Variants in PALM observed in about 807,000 individuals in gnomAD.
PALM encodes the protein paralemmin.
Under a neutral mutation model 30.7 loss-of-function variants are expected in PALM, and 18 were observed. That is an observed-to-expected ratio of 0.59 (90% CI 0.41 to 0.87). The LOEUF (loss-of-function observed/expected upper bound fraction) is 0.87. PALM is among the 40% of genes least tolerant of loss of function. PALM has a pLI of 0.00. For missense variants in PALM, 529 were observed against 555.4 expected, an observed-to-expected ratio of 0.95 and a Z score of 0.48; for synonymous variants, 286 against 242.8, an observed-to-expected ratio of 1.18 and a Z score of -1.66.
chr19:744,471 G>A (rs1326337094), intron 8 of PALM, among the ~76,000 whole-genome samples: 1 of 151,802 alleles, frequency 6.6e-6, no homozygotes, highest in Non-Finnish European at 1.5e-5. Context: ...GACCTCAGAG[G>A]AAAATGCATA....
intron 7 of PALM, among the ~76,000 whole-genome samples, chr19:739,926 G>A (rs1327591375): frequency 6.6e-6 from 1 of 152,188 alleles, no homozygotes; most frequent in Non-Finnish European, 1.5e-5. Context: ...TCACACCACT[G>A]TGCTCCAGCC....
chr19:730,151 C>A (rs1324539888), intron 4 of PALM, among the ~76,000 whole-genome samples: 1 of 152,170 alleles, frequency 6.6e-6, no homozygotes, highest in Non-Finnish European at 1.5e-5. Flanking sequence ...CTGCAGGAAG[C>A]CCTCCAGGCT....
At chr19:731,266 A>G (rs1273376807) in intron 5 of PALM, 21 bp downstream of exon 5, 3 of 1,582,628 alleles carry the variant, frequency 1.9e-6, no homozygotes, top group Non-Finnish European at 2.6e-6. Context: ...GACTGGGGGG[A>G]GCGGATCCCC....
At chr19:733,946 A>G (rs2032944982) in intron 5 of PALM, among the ~76,000 whole-genome samples, 2 of 152,132 alleles carry the variant, frequency 1.3e-5, no homozygotes, top group Non-Finnish European at 2.9e-5. Context: ...AGATTGCCCC[A>G]TTGCACTCCG....
Position 721,185 on chromosome 19 carries a change from G to T in PALM, c.6-4953G>T, listed in dbSNP as rs1398774285. ...GACCAACGGGGGAAGTGAAGGGGCC[G>T]ACCTGAGGGTTCCTCTAAGGGCTGA... On this transcript the variant is annotated intron_variant, in intron 1 of 8. Coordinates refer to ENST00000338448, the MANE Select transcript of PALM (RefSeq NM_002579.3). Among the ~76,000 whole-genome samples, 3 of 152,172 alleles carry T rather than the reference G, an allele frequency of 2.0e-5. 1 individual carries two copies. The highest frequency in any genetic ancestry group is 2.0e-4 in the Admixed American group (3 of 15,280).
chr19:743,155 G>A (rs1334302073), intron 8 of PALM, among the ~76,000 whole-genome samples: 1 of 152,176 alleles, frequency 6.6e-6, no homozygotes, highest in Non-Finnish European at 1.5e-5. Context: ...CCTCTGCGGT[G>A]CCCCAGATGC....
chr19:747,481 G>A lies in PALM; in HGVS notation c.*667G>A, dbSNP rs1486517272. The stretch of plus-strand genomic sequence containing the variant: ...ACCCCGGGGACATGCCCCCACCCGG[G>A]AGGGGCCGGTAACCCCTGGGCTATC... On this transcript the variant is annotated 3_prime_UTR_variant, in exon 9 of 9. Coordinates refer to ENST00000338448, the MANE Select transcript of PALM (RefSeq NM_002579.3). 1.3e-5 allele frequency: 2 copies of A among 153,330 alleles called. No homozygotes were observed. The highest frequency in any genetic ancestry group is 2.9e-5 in the Non-Finnish European group (2 of 68,826). The allele number at this position is 153,330 out of a possible 1,614,324, so 9.5% of individuals were successfully genotyped here.
At chr19:718,204 TAAGTA>T (rs1349634883) in intron 1 of PALM, among the ~76,000 whole-genome samples, 25 of 151,830 alleles carry the variant, frequency 1.6e-4, no homozygotes, top group Admixed American at 1.6e-3. Context: ...AAGAAAAAGA[TAAGTA>T]AAGTGATCCG....
chr19:734,089 C>T (rs1007705356), intron 5 of PALM, 84 bp from the exon 6 acceptor site: 2 of 1,325,078 alleles, frequency 1.5e-6, no homozygotes, highest in African/African-American at 2.9e-5. Context: ...GTGCCATGCC[C>T]TCCCCAGGCT....
chr19:731,370 A>C lies in PALM; in HGVS notation c.420+125A>C, dbSNP rs1042818522. ...GGCACAGACTAGAGCCAGGCACTTG[A>C]TTTCCAGCTCACCGGAGCCACTTCC... On this transcript the variant is annotated intron_variant, in intron 5 of 8. Transcript: ENST00000338448. 3 of 938,502 alleles carry C rather than the reference A, an allele frequency of 3.2e-6. No homozygotes were observed. In the East Asian group the frequency reaches 8.6e-5, roughly 27 times the overall value. The allele number at this position is 938,502 out of a possible 1,614,324, so 58.1% of individuals were successfully genotyped here.
chr19:731,259 T>A lies in PALM; in HGVS notation c.420+14T>A. On this transcript the variant is annotated intron_variant, in intron 5 of 8. Transcript: ENST00000338448. ...AATTCACAGCAGGTAAGGGGGTGAC[T>A]GGGGGGAGCGGATCCCCAGGCACCC... is the stretch of plus-strand genomic sequence containing the variant. The A allele has an allele frequency of 6.3e-7, 1 of 1,587,436 alleles. No individual in the cohort carries two copies. Among genetic ancestry groups the A allele is most frequent in the Non-Finnish European group, 8.6e-7 (1 of 1,167,990 alleles).
chr19:731,022 C>A, intron 4 of PALM, 73 bp from the exon 5 acceptor site: 3 of 944,854 alleles, frequency 3.2e-6, no homozygotes, highest in Non-Finnish European at 4.7e-6. Context: ...CACTGGGGAG[C>A]TGTCGTACAG....
chr19:719,125 G>C, intron 1 of PALM: 1 of 985,366 alleles, frequency 1.0e-6, no homozygotes, highest in African/African-American at 1.7e-5. Context: ...GCCTGCCCGG[G>C]CAGGGACCCC....
Position 737,162 on chromosome 19 carries a change from G to A in PALM, c.502+1084G>A, listed in dbSNP as rs370670040. ...ACCCGGAGGCCCAGGTCTCCAGCAC[G>A]GTCCAGGGTGGGGGTTGCCCCAGGA... On this transcript the variant is annotated intron_variant, in intron 7 of 8. Coordinates refer to ENST00000338448, the MANE Select transcript of PALM (RefSeq NM_002579.3). Among the ~76,000 whole-genome samples, 58 of 152,258 alleles carry A rather than the reference G, an allele frequency of 3.8e-4. 1 individual carries two copies. The South Asian group carries it at 0.012, about 32-fold the overall frequency.
At chr19:734,054 G>A (rs866924036) in intron 5 of PALM, 119 bp from the exon 6 acceptor site, 4 of 809,912 alleles carry the variant, frequency 4.9e-6, no homozygotes, top group Non-Finnish European at 6.3e-6. Flanking sequence ...AGGATGAGAA[G>A]CGGGTGCGTA....
intron 7 of PALM, among the ~76,000 whole-genome samples, chr19:737,834 T>C (rs1257479738): frequency 6.7e-6 from 1 of 149,334 alleles, no homozygotes; most frequent in Non-Finnish European, 1.5e-5. Context: ...GAGGGCCCTG[T>C]GGCAGGGGCG....
rs376116223 is a variant in PALM at position 714,121 on chromosome 19, G to A, written c.5+4970G>A. Reference sequence around the variant, plus strand: ...GCGGTTTCACTGTGTTAGCCAGGATGGTCTTGATCTCCTGACCTTGTGATC... The same window carrying A: ...GCGGTTTCACTGTGTTAGCCAGGATAGTCTTGATCTCCTGACCTTGTGATC... On this transcript the variant is annotated intron_variant, in intron 1 of 8. Coordinates refer to ENST00000338448, the MANE Select transcript of PALM (RefSeq NM_002579.3). 1.8e-3 allele frequency among the ~76,000 whole-genome samples: 266 copies of A among 151,208 alleles called. 13 individuals carry two copies. In the South Asian group the frequency reaches 0.053, roughly 30 times the overall value.
At chr19:712,749 C>T (rs894061550) in intron 1 of PALM, among the ~76,000 whole-genome samples, 2 of 151,236 alleles carry the variant, frequency 1.3e-5, no homozygotes, top group Non-Finnish European at 2.9e-5. Context: ...GATCTCGGCT[C>T]ACTGCAACCT....
intron 4 of PALM, among the ~76,000 whole-genome samples, chr19:729,850 G>A (rs74812357): frequency 5.3e-5 from 8 of 152,174 alleles, no homozygotes; most frequent in Admixed American, 2.0e-4. Context: ...GGGCTGAGAC[G>A]GGCCTGGCCC....
Sources: allele counts gnomAD v4.1 joint callset (sites outside exome capture counted in the v4.1 genomes callset), GRCh38; gene constraint gnomAD v4.1.1; transcripts MANE v1.5; gene names NCBI Gene and HGNC (gene_info 2026-07-23, HGNC 2026-07-21).